SPOCK1: variants seen among roughly 807,000 people sequenced by gnomAD.
The protein encoded by SPOCK1 is testican-1.
A neutral mutation model predicts 55.3 loss-of-function variants in SPOCK1; 23 were observed. The ratio of observed to expected loss-of-function variants is 0.42; its 90% CI spans 0.30 to 0.59. The LOEUF (loss-of-function observed/expected upper bound fraction) is 0.59, where lower values mean the gene tolerates loss of function less well. SPOCK1 is among the 20% of genes least tolerant of loss of function. The probability of loss-of-function intolerance (pLI) is 0.22; values close to 1 mark genes in which losing one functional copy is unlikely to be tolerated. For missense variants in SPOCK1, 499 were observed against 552.5 expected (o/e 0.90, Z 0.97); for synonymous variants, 226 against 221.0 (o/e 1.02, Z -0.20).
chr5:137,346,634 T>C (rs1319829406), intron 2 of SPOCK1, among the ~76,000 whole-genome samples: 4 of 152,172 alleles, frequency 2.6e-5, no homozygotes, highest in African/African-American at 9.7e-5. Context: ...TACATTCAAA[T>C]TTAAAAGAAA....
chr5:137,451,472 A>G (rs1753254273), intron 2 of SPOCK1, among the ~76,000 whole-genome samples: 1 of 152,158 alleles, frequency 6.6e-6, no homozygotes, highest in Admixed American at 6.5e-5. Context: ...TAGTGACAAT[A>G]AACACCAACA....
chr5:137,238,979 C>G (rs374193048), intron 3 of SPOCK1, among the ~76,000 whole-genome samples: 11 of 152,182 alleles, frequency 7.2e-5, no homozygotes, highest in African/African-American at 2.2e-4. Flanking sequence ...AGAGAAGCAT[C>G]TTTTGGTATT....
intron 2 of SPOCK1, 107 bp downstream of exon 2, chr5:137,498,266 C>CCACACACACACACACACACA: frequency 1.3e-6 from 1 of 795,506 alleles, no homozygotes. Flanking sequence ...CCCCTCCCAA[C>CCACACACACACACACACACA]CACACACACA....
At chr5:137,407,963 C>T (rs1354912366) in intron 2 of SPOCK1, among the ~76,000 whole-genome samples, 1 of 151,808 alleles carries the variant, frequency 6.6e-6, no homozygotes, top group Non-Finnish European at 1.5e-5. Flanking sequence ...CCCCACTGCT[C>T]ACTTGGCTCC....
At chr5:137,435,641 C>T (rs939638194) in intron 2 of SPOCK1, among the ~76,000 whole-genome samples, 6 of 152,104 alleles carry the variant, frequency 3.9e-5, no homozygotes, top group Non-Finnish European at 8.8e-5. Context: ...AAGTGGGAGG[C>T]ATTGAAAGGC....
chr5:137,339,018 C>T (rs1281006197), intron 2 of SPOCK1, among the ~76,000 whole-genome samples: 3 of 152,206 alleles, frequency 2.0e-5, no homozygotes, highest in Admixed American at 6.5e-5. Context: ...TCAGCATTAG[C>T]ACATGGCCAG....
intron 3 of SPOCK1, among the ~76,000 whole-genome samples, chr5:137,265,326 T>C (rs1040342433): frequency 2.6e-5 from 4 of 152,226 alleles, no homozygotes; most frequent in African/African-American, 9.6e-5. Context: ...TTTTGACAGT[T>C]ATTTAGGCAA....
chr5:137,464,364 T>C (rs1349927157), intron 2 of SPOCK1, among the ~76,000 whole-genome samples: 2 of 152,134 alleles, frequency 1.3e-5, no homozygotes, highest in African/African-American at 4.8e-5. Context: ...TTTTGTGATG[T>C]GATGATTAAA....
intron 5 of SPOCK1, among the ~76,000 whole-genome samples, chr5:137,077,068 C>T (rs534292453): frequency 1.3e-5 from 2 of 152,104 alleles, no homozygotes; most frequent in African/African-American, 2.4e-5. Context: ...GGACTACAGG[C>T]GCCCACCACC....
chr5:137,040,731 C>T (rs1751979391), intron 6 of SPOCK1, among the ~76,000 whole-genome samples: 2 of 152,212 alleles, frequency 1.3e-5, no homozygotes, highest in South Asian at 2.1e-4. Flanking sequence ...ATCAATTTCA[C>T]ATCTCTCTGT....
chr5:137,112,592 T>C, intron 4 of SPOCK1, 31 bp from the exon 5 acceptor site: 1 of 1,608,998 alleles, frequency 6.2e-7, no homozygotes, highest in South Asian at 1.1e-5. Flanking sequence ...GATAAATTAG[T>C]TGAAGCTCCA....
At chr5:137,250,824 T>G (rs1056205032) in intron 3 of SPOCK1, among the ~76,000 whole-genome samples, 6 of 152,224 alleles carry the variant, frequency 3.9e-5, no homozygotes, top group African/African-American at 1.4e-4. Flanking sequence ...GCTGGATTAC[T>G]TGGGCTAAAA....
intron 7 of SPOCK1, among the ~76,000 whole-genome samples, chr5:136,990,604 T>A (rs1750931634): frequency 6.6e-6 from 1 of 150,608 alleles, no homozygotes; most frequent in Non-Finnish European, 1.5e-5. Context: ...GGCCCCTTCT[T>A]TGATCGAATG....
At chr5:137,293,580 C>A (rs576751925) in intron 2 of SPOCK1, among the ~76,000 whole-genome samples, 2 of 151,974 alleles carry the variant, frequency 1.3e-5, no homozygotes, top group South Asian at 4.2e-4. Flanking sequence ...CCCACCTTGC[C>A]CCTCCCCAGT....
intron 2 of SPOCK1, among the ~76,000 whole-genome samples, chr5:137,311,604 A>T (rs1166706771): frequency 1.3e-5 from 2 of 152,188 alleles, no homozygotes; most frequent in Non-Finnish European, 2.9e-5. Flanking sequence ...CTTCAGTCTA[A>T]TCTTTACACA....
chr5:137,159,327 T>A (rs778721137), intron 3 of SPOCK1, among the ~76,000 whole-genome samples: 3 of 152,214 alleles, frequency 2.0e-5, no homozygotes, highest in Non-Finnish European at 2.9e-5. Flanking sequence ...GAGTTGACAA[T>A]GTCAAGTATA....
intron 2 of SPOCK1, among the ~76,000 whole-genome samples, chr5:137,462,231 C>T (rs1753504007): frequency 6.6e-6 from 1 of 152,184 alleles, no homozygotes; most frequent in Non-Finnish European, 1.5e-5. Flanking sequence ...TAGAATTTCC[C>T]ATTGTTTCTA....
intron 2 of SPOCK1, among the ~76,000 whole-genome samples, chr5:137,400,345 A>C (rs1751948478): frequency 6.6e-6 from 1 of 152,180 alleles, no homozygotes; most frequent in Non-Finnish European, 1.5e-5. Context: ...AAATGACTTA[A>C]AGAAAGACTA....
intron 2 of SPOCK1, among the ~76,000 whole-genome samples, chr5:137,340,878 C>A (rs1408081075): frequency 3.5e-5 from 5 of 144,234 alleles, no homozygotes; most frequent in African/African-American, 1.3e-4. Flanking sequence ...GAGATTCCAT[C>A]TCAAAAAAAA....
Sources: gnomAD v4.1 joint callset for allele counts (sites outside exome capture counted in the v4.1 genomes callset) on GRCh38, gnomAD v4.1.1 for gene constraint, MANE v1.5 for transcripts, NCBI Gene and HGNC (gene_info 2026-07-23, HGNC 2026-07-21) for gene names.